The following SLC25A19 variants were observed in gnomAD, a reference collection of about 807,000 sequenced individuals.
SLC25A19 encodes the protein solute carrier family 25 member 19, also known as mitochondrial thiamine pyrophosphate carrier.
In SLC25A19, 18 loss-of-function variants were observed where a neutral mutation model predicts 27.9. The ratio of observed to expected loss-of-function variants is 0.64; its 90% CI spans 0.45 to 0.96. The LOEUF (loss-of-function observed/expected upper bound fraction) is 0.96, where lower values mean the gene tolerates loss of function less well. Ranked by LOEUF, SLC25A19 falls within the 40% of genes least tolerant of loss-of-function variation. The pLI is 0.00. For synonymous variants in SLC25A19, 169 were observed against 167.1 expected (o/e 1.01, Z -0.09); for missense variants, 371 against 418.3 (o/e 0.89, Z 0.99).
intron 4 of SLC25A19, among the ~76,000 whole-genome samples, chr17:75,284,617 T>C (rs896392681): frequency 4.0e-5 from 6 of 150,644 alleles, no homozygotes; most frequent in Non-Finnish European, 8.9e-5. Context: ...GGTGACCCCC[T>C]TACATTCAGA....
At position 75,277,398 on chromosome 17, in the gene SLC25A19, C is replaced by G; in HGVS notation, c.729G>C (p.Arg243=). 6.2e-7 allele frequency: 1 copy of G among 1,614,070 alleles called. No individual in the cohort carries two copies. Among genetic ancestry groups the G allele is most frequent in the Non-Finnish European group, 8.5e-7 (1 of 1,180,010 alleles). The part of the protein sequence containing the change: ...LTYPLDLFKK[R]LQVGGFEHAR... ...CATGCTCAAACCCTCCAACCTGTAG[C>G]CGCTTCTTGAAGAGGTCCAGCGGAT... is the stretch of plus-strand genomic sequence containing the variant. The change falls in exon 7 of 8, where the codon CGG becomes CGC. Residue 243 remains arginine, a synonymous_variant. Coordinates refer to ENST00000416858, the MANE Select transcript of SLC25A19 (RefSeq NM_001126121.2).
intron 7 of SLC25A19, among the ~76,000 whole-genome samples, chr17:75,274,859 C>G (rs932141471): frequency 2.7e-5 from 4 of 150,646 alleles, no homozygotes; most frequent in African/African-American, 9.8e-5. Context: ...ACCTTGTATA[C>G]AGTGTATCCG....
At chr17:75,283,746 T>C (rs997136702) in intron 4 of SLC25A19, among the ~76,000 whole-genome samples, 153 bp from the exon 5 acceptor site, 1 of 152,164 alleles carries the variant, frequency 6.6e-6, no homozygotes, top group Non-Finnish European at 1.5e-5. Flanking sequence ...TGACAGCATA[T>C]GATAAATACA....
intron 5 of SLC25A19, among the ~76,000 whole-genome samples, chr17:75,279,183 G>A (rs2077974457): frequency 6.6e-6 from 1 of 151,892 alleles, no homozygotes; most frequent in African/African-American, 2.4e-5. Flanking sequence ...AATTATGGAA[G>A]GAAATAATCA....
intron 2 of SLC25A19, 82 bp from the exon 3 acceptor site, chr17:75,286,884 C>A: frequency 7.8e-7 from 1 of 1,278,674 alleles, no homozygotes; most frequent in Non-Finnish European, 1.1e-6. Context: ...GAGCAGCCCT[C>A]CCTGACTAGA....
chr17:75,275,769 A>G (rs2077868467), intron 7 of SLC25A19, among the ~76,000 whole-genome samples: 1 of 151,988 alleles, frequency 6.6e-6, no homozygotes, highest in South Asian at 2.1e-4. Flanking sequence ...ACCTTGGCCA[A>G]TGTGGTGAAA....
intron 7 of SLC25A19, among the ~76,000 whole-genome samples, chr17:75,276,125 A>C (rs1195458124): frequency 1.3e-5 from 2 of 151,828 alleles, no homozygotes; most frequent in African/African-American, 2.4e-5. Flanking sequence ...AATACAAAAA[A>C]TTAGCTGGGC....
Position 75,278,260 on chromosome 17 carries a change from C to T in SLC25A19, c.535G>A (p.Ala179Thr), listed in dbSNP as rs773699382. 9.3e-6 allele frequency: 15 copies of T among 1,613,902 alleles called. 1 individual carries two copies. The South Asian group carries it at 1.4e-4, about 15-fold the overall frequency. The change falls in exon 6 of 8, where the codon GCT becomes ACT. Residue 179 changes from alanine (A) to threonine (T), a missense_variant. Ala to Thr is a moderately conservative substitution (Grantham distance 58, BLOSUM62 0). Coordinates refer to ENST00000416858, the MANE Select transcript of SLC25A19 (RefSeq NM_001126121.2). ...EGPQVFYKGL[A>T]PTLIAIFPYA... is the part of the protein sequence containing the mutation. ...GGGAAGATGGCGATCAAGGTGGGAG[C>T]CAAGCCTTTGTAGAAAACCTGGGGG...
intron 5 of SLC25A19, 136 bp downstream of exon 5, chr17:75,283,287 C>G (rs1348074966): frequency 2.1e-6 from 2 of 972,872 alleles, no homozygotes; most frequent in East Asian, 6.1e-5. Flanking sequence ...CATGACAGAG[C>G]GAGATTCTGT....
rs750134317 is a variant in SLC25A19, at chr17:75,278,145, G to A, written c.643+7C>T. On this transcript the variant is annotated splice_region_variant and intron_variant, in intron 6 of 7. Transcript: ENST00000416858. ...GAGGGCTCCCTCTCGTGTGAGGGCT[G>A]CCTCACCATTTTTCTTTCCTTCGGC... 19 of 1,612,862 alleles carry A rather than the reference G, an allele frequency of 1.2e-5. No homozygotes were observed. The South Asian group carries it at 2.1e-4, about 18-fold the overall frequency.
In SLC25A19 at chr17:75,286,640, C is replaced by G. The variant is rs763480652; in HGVS notation, c.125G>C (p.Arg42Pro). The G allele has an allele frequency of 6.2e-7, 1 of 1,614,158 alleles. No homozygotes were observed. The highest frequency in any genetic ancestry group is 2.2e-5 in the East Asian group (1 of 44,888). The change falls in exon 3 of 8, where the codon CGT becomes CCT. Residue 42 changes from arginine to proline, a missense_variant. Transcript: ENST00000416858. ...LISPFDVIKI[R>P]FQLQHERLSR... The stretch of plus-strand genomic sequence containing the variant: ...GAAAAAGGGGAAGAGTACCTGGAAA[C>G]GGATCTTGATGACGTCGAAGGGACT...
intron 2 of SLC25A19, 126 bp from the exon 3 acceptor site, chr17:75,286,928 G>A (rs534165320): frequency 6.3e-5 from 60 of 953,840 alleles, no homozygotes; most frequent in South Asian, 4.2e-4. Flanking sequence ...TGGACTGGGC[G>A]CAGCGGTTCA....
intron 5 of SLC25A19, among the ~76,000 whole-genome samples, chr17:75,283,013 A>T (rs968574818): frequency 6.0e-5 from 9 of 149,334 alleles, no homozygotes; most frequent in East Asian, 2.0e-4. Context: ...AATAAATAAA[A>T]AATAGGCCGG....
intron 3 of SLC25A19, 61 bp downstream of exon 3, chr17:75,286,572 C>T: frequency 6.2e-7 from 1 of 1,614,072 alleles, no homozygotes; most frequent in Non-Finnish European, 8.5e-7. Flanking sequence ...TTAGGAACTG[C>T]TTTTGCAAGA....
At chr17:75,278,630 G>A (rs764445841) in intron 5 of SLC25A19, among the ~76,000 whole-genome samples, 1 of 152,052 alleles carries the variant, frequency 6.6e-6, no homozygotes, top group Non-Finnish European at 1.5e-5. Flanking sequence ...CCATCTGTGG[G>A]TGCTGGTTAC....
chr17:75,284,493 TG>T (rs1420916084), intron 4 of SLC25A19, among the ~76,000 whole-genome samples: 1 of 152,166 alleles, frequency 6.6e-6, no homozygotes, highest in Non-Finnish European at 1.5e-5. Flanking sequence ...AAGACGGCCA[TG>T]CTCTGATTCC....
intron 4 of SLC25A19, among the ~76,000 whole-genome samples, chr17:75,284,001 G>T (rs566227720): frequency 6.7e-6 from 1 of 149,002 alleles, no homozygotes; most frequent in Non-Finnish European, 1.5e-5. Flanking sequence ...GTAGTCCCAG[G>T]TACTTGGGGG....
intron 7 of SLC25A19, among the ~76,000 whole-genome samples, chr17:75,276,930 A>ACCCG (rs1567834883): frequency 1.4e-5 from 2 of 146,164 alleles, no homozygotes; most frequent in African/African-American, 5.1e-5. Context: ...TGATCCACCC[A>ACCCG]CCTTGGCCTC....
Position 75,283,412 on chromosome 17 carries a change from T to G in SLC25A19, c.459+11A>C. On this transcript the variant is annotated intron_variant, in intron 5 of 7. Coordinates refer to ENST00000416858, the MANE Select transcript of SLC25A19 (RefSeq NM_001126121.2). ...ATTTGGGCTTCCCCGGTCTGGCTCC[T>G]GGCCACTCACCTTGGGCTCACCCTG... The G allele has an allele frequency of 6.2e-7, 1 of 1,611,480 alleles. No homozygotes were observed. The highest frequency in any genetic ancestry group is 8.5e-7 in the Non-Finnish European group (1 of 1,179,690).
Sources: gnomAD v4.1 joint callset for allele counts (sites outside exome capture counted in the v4.1 genomes callset) on GRCh38, gnomAD v4.1.1 for gene constraint, MANE v1.5 for transcripts, NCBI Gene and HGNC (gene_info 2026-07-23, HGNC 2026-07-21) for gene names.